Variants in TNPO1 observed in about 807,000 individuals in gnomAD.
TNPO1 encodes the protein transportin-1.
A neutral mutation model predicts 119.5 loss-of-function variants in TNPO1; 8 were observed. That is an observed-to-expected ratio of 0.07 (90% CI 0.04 to 0.12). The LOEUF (loss-of-function observed/expected upper bound fraction) is 0.12. Among genes scored for constraint, TNPO1 ranks in the 10% least tolerant of loss-of-function variants. The pLI is 1.00. For synonymous variants in TNPO1, 362 were observed against 363.0 expected (o/e 1.00, Z 0.03); for missense variants, 576 against 1,089.8 (o/e 0.53, Z 6.64).
chr5:72,842,470 A>C (rs1313362241), intron 1 of TNPO1, among the ~76,000 whole-genome samples: 3 of 152,234 alleles, frequency 2.0e-5, no homozygotes, highest in African/African-American at 7.2e-5. Context: ...TGCTTAGAAC[A>C]CTGCTTGGCA....
intron 1 of TNPO1, among the ~76,000 whole-genome samples, chr5:72,832,971 G>A (rs976858592): frequency 5.3e-5 from 8 of 152,154 alleles, no homozygotes; most frequent in Middle Eastern, 3.4e-3. Flanking sequence ...ATTTACATTG[G>A]TGTTCAAATC....
At chr5:72,888,912 C>T (rs1748851429) in intron 13 of TNPO1, among the ~76,000 whole-genome samples, 1 of 152,126 alleles carries the variant, frequency 6.6e-6, no homozygotes, top group Non-Finnish European at 1.5e-5. Flanking sequence ...TTTATTACTA[C>T]AAATATTCCA....
At chr5:72,855,989 T>C in intron 4 of TNPO1, 66 bp downstream of exon 4, 1 of 1,501,344 alleles carries the variant, frequency 6.7e-7, no homozygotes, top group Non-Finnish European at 9.2e-7. Context: ...AGATGACAGA[T>C]TATTTCCTTA....
intron 1 of TNPO1, among the ~76,000 whole-genome samples, chr5:72,830,141 G>A (rs893088278): frequency 2.6e-5 from 4 of 152,110 alleles, no homozygotes; most frequent in East Asian, 1.9e-4. Context: ...GAAATAAAAG[G>A]ATGAGACATA....
chr5:72,848,853 A>AGCGG (rs1374807424), intron 2 of TNPO1, among the ~76,000 whole-genome samples: 4 of 150,384 alleles, frequency 2.7e-5, no homozygotes, highest in East Asian at 2.0e-4. Context: ...GGGGGTAGGG[A>AGCGG]GCGGGCGGGC....
In TNPO1 at chr5:72,875,610, A is replaced by G; in HGVS notation, c.679-5A>G. On this transcript the variant is annotated splice_region_variant and splice_polypyrimidine_tract_variant and intron_variant, in intron 7 of 24. Coordinates refer to ENST00000337273, the MANE Select transcript of TNPO1 (RefSeq NM_002270.4). ...AACTAGAAAAAATTATTTCTTGTGC[A>G]ACAGAATCTCTTTGCATTAGCTGGT... 6.2e-7 allele frequency: 1 copy of G among 1,610,436 alleles called. No individual in the cohort carries two copies.
chr5:72,855,638 A>G, intron 3 of TNPO1, 136 bp from the exon 4 acceptor site: 1 of 699,722 alleles, frequency 1.4e-6, no homozygotes, highest in Non-Finnish European at 2.4e-6. Flanking sequence ...TTTGTTAATC[A>G]GTTATAATTA....
At chr5:72,873,550 G>T (rs936004319) in intron 7 of TNPO1, among the ~76,000 whole-genome samples, 2 of 152,052 alleles carry the variant, frequency 1.3e-5, no homozygotes, top group Non-Finnish European at 2.9e-5. Context: ...ACCAAAATGT[G>T]TCTTAAATAG....
chr5:72,841,029 C>G (rs1446700652), intron 1 of TNPO1, among the ~76,000 whole-genome samples: 3 of 151,992 alleles, frequency 2.0e-5, no homozygotes, highest in Non-Finnish European at 4.4e-5. Flanking sequence ...TAGTTGAGCT[C>G]ATTTCCGTAA....
chr5:72,853,502 C>A (rs1324124650), intron 3 of TNPO1, among the ~76,000 whole-genome samples: 2 of 152,128 alleles, frequency 1.3e-5, no homozygotes, highest in Non-Finnish European at 2.9e-5. Context: ...ATTGCTTCCA[C>A]AAAGACATTA....
chr5:72,896,162 A>G (rs891690809), intron 18 of TNPO1, among the ~76,000 whole-genome samples: 1 of 152,056 alleles, frequency 6.6e-6, no homozygotes, highest in Non-Finnish European at 1.5e-5. Flanking sequence ...TTTTAGTGGT[A>G]TGTAAAATAT....
intron 23 of TNPO1, among the ~76,000 whole-genome samples, chr5:72,904,815 G>A (rs1291638591): frequency 6.6e-6 from 1 of 152,060 alleles, no homozygotes; most frequent in African/African-American, 2.4e-5. Flanking sequence ...CACACAAAAA[G>A]ATATGCCCAA....
At chr5:72,848,006 G>A (rs768391269) in intron 1 of TNPO1, 29 of 966,436 alleles carry the variant, frequency 3.0e-5, no homozygotes, top group African/African-American at 1.6e-4. Flanking sequence ...TAGCCCTTAA[G>A]TCAGTAGTAA....
At chr5:72,903,960 G>A (rs958346323) in intron 23 of TNPO1, among the ~76,000 whole-genome samples, 177 bp downstream of exon 23, 1 of 152,148 alleles carries the variant, frequency 6.6e-6, no homozygotes, top group Non-Finnish European at 1.5e-5. Flanking sequence ...TTAAAATACA[G>A]CAGTGACTCT....
At chr5:72,861,213 T>G (rs140232400) in intron 4 of TNPO1, among the ~76,000 whole-genome samples, 75 of 152,098 alleles carry the variant, frequency 4.9e-4, no homozygotes, top group African/African-American at 1.6e-3. Flanking sequence ...GCCCAGCCAT[T>G]AGAATTAATT....
intron 14 of TNPO1, among the ~76,000 whole-genome samples, chr5:72,890,813 A>G (rs938209134): frequency 3.9e-5 from 6 of 152,160 alleles, no homozygotes; most frequent in African/African-American, 1.2e-4. Context: ...AAAATGTACT[A>G]TATAGTAACA....
chr5:72,889,831 T>G lies in TNPO1; in HGVS notation c.1575T>G (p.Pro525=). ...AGGAGGCTTGTACAGAACTTGTTCC[T>G]TACCTTGCTTATATACTTGATACCC... ...LEEEACTELV[P]YLAYILDTLV... is the part of the protein sequence containing the mutation. The change falls in exon 14 of 25, where the codon CCT becomes CCG. Residue 525 remains proline (P), a synonymous_variant. Transcript: ENST00000337273. The G allele has an allele frequency of 6.2e-7, 1 of 1,613,516 alleles. No individual in the cohort carries two copies. The highest frequency in any genetic ancestry group is 1.1e-5 in the South Asian group (1 of 91,030).
intron 1 of TNPO1, among the ~76,000 whole-genome samples, chr5:72,827,432 A>G (rs765499307): frequency 2.1e-4 from 32 of 152,176 alleles, no homozygotes; most frequent in Admixed American, 6.5e-4. Flanking sequence ...TTATAAGGGA[A>G]CAAAAGAGGA....
At chr5:72,857,656 C>CT (rs1410350532) in intron 4 of TNPO1, among the ~76,000 whole-genome samples, 1 of 152,202 alleles carries the variant, frequency 6.6e-6, no homozygotes, top group African/African-American at 2.4e-5. Context: ...TGGGTTTCCT[C>CT]TGAGTGTTGG....
Sources: allele counts gnomAD v4.1 joint callset (sites outside exome capture counted in the v4.1 genomes callset), GRCh38; gene constraint gnomAD v4.1.1; transcripts MANE v1.5; gene names NCBI Gene and HGNC (gene_info 2026-07-23, HGNC 2026-07-21).